The following TBC1D19 variants were observed in gnomAD, a reference collection of about 807,000 sequenced individuals.
TBC1D19 encodes the protein TBC1 domain family member 19, also known as TBC1 domain family, member 19.
TBC1D19 carries 60 observed loss-of-function variants against 89.0 expected under a neutral mutation model. The ratio of observed to expected loss-of-function variants is 0.67; its 90% CI spans 0.55 to 0.84. The LOEUF is 0.84. TBC1D19 is among the 40% of genes least tolerant of loss of function. TBC1D19 has a pLI of 0.00. For synonymous variants in TBC1D19, 189 were observed against 199.7 expected, an observed-to-expected ratio of 0.95 and a Z score of 0.45; for missense variants, 500 against 610.8, an observed-to-expected ratio of 0.82 and a Z score of 1.91.
At chr4:26,667,878 C>T (rs1711954783) in intron 9 of TBC1D19, among the ~76,000 whole-genome samples, 1 of 151,964 alleles carries the variant, frequency 6.6e-6, no homozygotes, top group African/African-American at 2.4e-5. Flanking sequence ...TGTTGTATGT[C>T]CTCACTAATG....
the TBC1D19 span, among the ~76,000 whole-genome samples, chr4:26,816,021 A>G: frequency 1.3e-5 from 2 of 152,170 alleles, no homozygotes; most frequent in Non-Finnish European, 2.9e-5. Context: ...GCCTTGTATC[A>G]AGGGTCAGGA....
chr4:26,627,349 T>C (rs866986797), intron 4 of TBC1D19, among the ~76,000 whole-genome samples: 5 of 152,328 alleles, frequency 3.3e-5, no homozygotes, highest in African/African-American at 1.2e-4. Flanking sequence ...GCAATAAACA[T>C]ATGTGTGCAT....
At chr4:26,810,588 C>T in the TBC1D19 span, among the ~76,000 whole-genome samples, 37,496 of 152,004 alleles carry the variant, frequency 0.25, 5,758 homozygotes, top group Non-Finnish European at 0.34. Context: ...CATTCTGACC[C>T]TCCAACTGCT....
chr4:26,771,637 C>A, the TBC1D19 span, among the ~76,000 whole-genome samples: 2 of 152,008 alleles, frequency 1.3e-5, no homozygotes, highest in African/African-American at 4.8e-5. Flanking sequence ...AGCAGAGTGG[C>A]TGTTGCCAGG....
At chr4:26,675,124 T>C (rs1379829480) in intron 11 of TBC1D19, among the ~76,000 whole-genome samples, 1 of 152,094 alleles carries the variant, frequency 6.6e-6, no homozygotes, top group Non-Finnish European at 1.5e-5. Flanking sequence ...GGGCCTTTTT[T>C]TGGTGAGTGT....
At chr4:26,694,702 A>C (rs189086912) in intron 13 of TBC1D19, among the ~76,000 whole-genome samples, 1 of 152,314 alleles carries the variant, frequency 6.6e-6, no homozygotes, top group Non-Finnish European at 1.5e-5. Flanking sequence ...AAGCTTCCAG[A>C]GGAATGATCA....
At chr4:26,653,420 G>GATATA (rs1295811368) in intron 7 of TBC1D19, among the ~76,000 whole-genome samples, 1 of 152,074 alleles carries the variant, frequency 6.6e-6, no homozygotes, top group Non-Finnish European at 1.5e-5. Flanking sequence ...TCAATTCCTG[G>GATATA]ATATCCTTGT....
chr4:26,787,255 C>T, the TBC1D19 span, among the ~76,000 whole-genome samples: 1 of 151,960 alleles, frequency 6.6e-6, no homozygotes, highest in Non-Finnish European at 1.5e-5. Flanking sequence ...GCACGTGCCT[C>T]CAAATCTGGC....
At chr4:26,671,557 A>G (rs916167370) in intron 9 of TBC1D19, among the ~76,000 whole-genome samples, 14 of 151,764 alleles carry the variant, frequency 9.2e-5, no homozygotes, top group Non-Finnish European at 1.9e-4. Context: ...TAGTTCATGA[A>G]TCTTTTTCCA....
At chr4:26,786,749 A>G in the TBC1D19 span, among the ~76,000 whole-genome samples, 3 of 128,140 alleles carry the variant, frequency 2.3e-5, no homozygotes, top group Non-Finnish European at 1.6e-5. Context: ...GGGTGGGTGG[A>G]TGCCTGGATG....
the TBC1D19 span, among the ~76,000 whole-genome samples, chr4:26,764,703 A>G: frequency 6.6e-6 from 1 of 152,154 alleles, no homozygotes; most frequent in African/African-American, 2.4e-5. Context: ...ATGATGGGTC[A>G]TGGAATATAA....
intron 13 of TBC1D19, among the ~76,000 whole-genome samples, chr4:26,693,877 T>C (rs1005368828): frequency 1.3e-5 from 2 of 152,096 alleles, no homozygotes; most frequent in African/African-American, 4.8e-5. Context: ...CAGAGAAGAA[T>C]CAGTGAACTT....
At chr4:26,742,958 C>T (rs1718457075) in intron 18 of TBC1D19, among the ~76,000 whole-genome samples, 1 of 151,986 alleles carries the variant, frequency 6.6e-6, no homozygotes, top group African/African-American at 2.4e-5. Context: ...TCAATATAGG[C>T]CACATTTATC....
At chr4:26,783,332 A>G in the TBC1D19 span, among the ~76,000 whole-genome samples, 1 of 152,234 alleles carries the variant, frequency 6.6e-6, no homozygotes, top group Non-Finnish European at 1.5e-5. Flanking sequence ...AAAGTATCTC[A>G]TAGTTTCCAA....
chr4:26,709,671 G>A (rs888779273), intron 13 of TBC1D19, among the ~76,000 whole-genome samples: 1 of 151,956 alleles, frequency 6.6e-6, no homozygotes, highest in African/African-American at 2.4e-5. Flanking sequence ...AGCTGACATT[G>A]ATCAAAATTA....
the TBC1D19 span, among the ~76,000 whole-genome samples, chr4:26,785,167 T>C: frequency 3.9e-5 from 6 of 152,244 alleles, no homozygotes; most frequent in African/African-American, 1.4e-4. Flanking sequence ...CTAGCTATTA[T>C]TTTGACATGG....
chr4:26,762,889 T>G, the TBC1D19 span, among the ~76,000 whole-genome samples: 1 of 152,150 alleles, frequency 6.6e-6, no homozygotes, highest in South Asian at 2.1e-4. Context: ...GAGTCTCCCA[T>G]GACCCTCCAG....
At chr4:26,691,977 C>T (rs796754832) in intron 13 of TBC1D19, among the ~76,000 whole-genome samples, 9 of 152,190 alleles carry the variant, frequency 5.9e-5, no homozygotes, top group African/African-American at 2.2e-4. Context: ...TTTAAAGTCT[C>T]TGGTAATTAT....
chr4:26,656,885 A>T (rs1744857903), intron 7 of TBC1D19, among the ~76,000 whole-genome samples: 1 of 151,234 alleles, frequency 6.6e-6, no homozygotes. Flanking sequence ...TATATAAATG[A>T]CCTTTTTTAA....
Sources: gnomAD v4.1 joint callset for allele counts (sites outside exome capture counted in the v4.1 genomes callset) on GRCh38, gnomAD v4.1.1 for gene constraint, MANE v1.5 for transcripts, NCBI Gene and HGNC (gene_info 2026-07-23, HGNC 2026-07-21) for gene names.